The following GRK1 variants were observed in gnomAD, a reference collection of about 807,000 sequenced individuals.
GRK1 encodes the protein rhodopsin kinase GRK1.
In GRK1, 28 loss-of-function variants were observed where a neutral mutation model predicts 41.7. That is an observed-to-expected ratio of 0.67 (90% CI 0.50 to 0.92). The LOEUF (loss-of-function observed/expected upper bound fraction) is 0.92, where lower values mean the gene tolerates loss of function less well. Ranked by LOEUF, GRK1 falls within the 40% of genes least tolerant of loss-of-function variation. GRK1 has a pLI of 0.00. For missense variants in GRK1, 703 were observed against 671.2 expected (o/e 1.05, Z -0.52); for synonymous variants, 327 against 286.7 (o/e 1.14, Z -1.42).
chr13:113,666,808 T>G (rs1328822773), upstream of GRK1, among the ~76,000 whole-genome samples: 2 of 152,184 alleles, frequency 1.3e-5, no homozygotes, highest in East Asian at 3.9e-4. Context: ...TATTATCAGG[T>G]GGTTTTCTTT....
At chr13:113,660,994 A>T in the GRK1 span, among the ~76,000 whole-genome samples, 211 of 152,352 alleles carry the variant, frequency 1.4e-3, no homozygotes, top group Non-Finnish European at 2.5e-3. Flanking sequence ...AGAACTCAAC[A>T]TCATCAACCA....
rs2049859328 is a variant in GRK1 at position 113,671,696 on chromosome 13, G to A, written c.985+40G>A. ...CGGCTGGGAGGGATGAGGGCTACGA[G>A]GAGGGCGGGGCGCAGCTTCCTTGGG... On this transcript the variant is annotated intron_variant, in intron 3 of 6. Transcript: ENST00000335678. The surrounding 1 kb of genome is among the most constrained non-coding windows in gnomAD (Gnocchi z 4.1). 2 of 713,028 alleles carry A rather than the reference G, an allele frequency of 2.8e-6. No individual in the cohort carries two copies. The highest frequency in any genetic ancestry group is 3.9e-5 in the Admixed American group (2 of 50,960). 44.2% of individuals were successfully genotyped at this position (713,028 alleles called of 1,614,324 possible).
chr13:113,670,766 C>G (rs868704972), intron 2 of GRK1, among the ~76,000 whole-genome samples: 4 of 46,110 alleles, frequency 8.7e-5, no homozygotes, highest in Non-Finnish European at 1.7e-4. Context: ...GGTGCCCAGG[C>G]GGAGGGGAGG....
intron 5 of GRK1, among the ~76,000 whole-genome samples, chr13:113,732,351 T>C (rs1249564525): frequency 6.6e-6 from 1 of 152,158 alleles, no homozygotes; most frequent in Admixed American, 6.5e-5. Flanking sequence ...CCGTGGTCAC[T>C]CTGTGTCTGT....
intron 5 of GRK1, 58 bp from the exon 6 acceptor site, chr13:113,732,826 G>A (rs1378871177): frequency 3.9e-6 from 6 of 1,523,928 alleles, no homozygotes; most frequent in Non-Finnish European, 4.4e-6. Flanking sequence ...CTGTGGTCTG[G>A]TCTGACCACC....
At chr13:113,664,860 G>C (rs898713928), upstream of GRK1, among the ~76,000 whole-genome samples, 2 of 152,232 alleles carry the variant, frequency 1.3e-5, no homozygotes, top group African/African-American at 2.4e-5. The surrounding 1 kb of genome is among the most constrained non-coding windows in gnomAD (Gnocchi z 5.4). Flanking sequence ...TGCCCCATTG[G>C]GTGAGCAGGC....
At chr13:113,732,723 A>T (rs2049945892) in intron 5 of GRK1, 161 bp from the exon 6 acceptor site, 1 of 263,956 alleles carries the variant, frequency 3.8e-6, no homozygotes. Flanking sequence ...CATTCCTGAG[A>T]CTGGAGCCTC....
In GRK1 at chr13:113,671,547, G is replaced by A. The variant is rs373358709; in HGVS notation, c.876G>A (p.Pro292=). The A allele has an allele frequency of 1.3e-4, 99 of 778,712 alleles. No individual in the cohort carries two copies. The East Asian group carries it at 1.4e-3, about 11-fold the overall frequency. The allele number at this position is 778,712 out of a possible 1,614,324, so 48.2% of individuals were successfully genotyped here. A position where few individuals can be genotyped will look rare whatever the true frequency, so the allele number is the denominator to read the frequency against. Residue 292 remains proline (P), a synonymous_variant, in exon 3 of 7, where the codon CCG becomes CCA. Transcript: ENST00000335678. The surrounding 1 kb of genome is among the most constrained non-coding windows in gnomAD (Gnocchi z 4.1). ...AGGAGAACCCTGGCTTCCCGGAGCC[G>A]CGCGCCCTCTTCTACACGGCGCAGA... ...VNEENPGFPE[P]RALFYTAQII...
the GRK1 span, among the ~76,000 whole-genome samples, chr13:113,656,098 C>T: frequency 2.3e-4 from 35 of 152,346 alleles, no homozygotes; most frequent in Middle Eastern, 3.4e-3. Context: ...CTTCAGCCTC[C>T]GGTTTTGAGT....
At chr13:113,732,397 CGTGGGAGTAGCGTCAATGGCCTGATCCG>C (rs1379818475) in intron 5 of GRK1, among the ~76,000 whole-genome samples, 1 of 152,206 alleles carries the variant, frequency 6.6e-6, no homozygotes, top group Non-Finnish European at 1.5e-5. Context: ...CAGGGCAACC[CGTGGGAGTAGCGTCAATGGCCTGATCCG>C]GGGGCCTTGG....
intron 2 of GRK1, 105 bp downstream of exon 2, chr13:113,669,919 C>A: frequency 1.4e-6 from 2 of 1,409,278 alleles, no homozygotes; most frequent in Non-Finnish European, 1.9e-6. Context: ...TGGCCCCAGG[C>A]CTGCCCTCGA....
intron 1 of GRK1, 82 bp downstream of exon 1, chr13:113,668,167 A>ACTGT: frequency 7.1e-7 from 1 of 1,416,276 alleles, no homozygotes; most frequent in South Asian, 1.3e-5. Context: ...CCCCCAGGTC[A>ACTGT]CTGTCGGCTC....
the GRK1 span, among the ~76,000 whole-genome samples, chr13:113,652,531 C>T: frequency 1.3e-5 from 2 of 152,262 alleles, no homozygotes; most frequent in Admixed American, 6.5e-5. Context: ...TGCTAAACCC[C>T]TCCCAATCCT....
chr13:113,667,640 C>T lies in GRK1; in HGVS notation c.254C>T (p.Ala85Val). The change falls in exon 1 of 7, where the codon GCC becomes GTC. Residue 85 changes from alanine to valine, a missense_variant. Transcript: ENST00000335678. This position sits in a 1 kb window ranked among gnomAD's most constrained non-coding sequence, Gnocchi z 7.5. ...FLQSAEKHLPALELWKDIEDY... is the reference protein window; with the variant it reads ...FLQSAEKHLPVLELWKDIEDY... ...CAATCGGCAGAGAAGCACCTGCCGGCCCTGGAGCTCTGGAAAGACATCGAG... is the reference window on the plus strand; with the variant it reads ...CAATCGGCAGAGAAGCACCTGCCGGTCCTGGAGCTCTGGAAAGACATCGAG... 6.2e-7 allele frequency: 1 copy of T among 1,613,576 alleles called. No homozygotes were observed. Among genetic ancestry groups the T allele is most frequent in the Admixed American group, 1.7e-5 (1 of 60,034 alleles).
intron 4 of GRK1, among the ~76,000 whole-genome samples, chr13:113,729,444 G>A (rs1344365897): frequency 6.6e-6 from 1 of 152,200 alleles, no homozygotes; most frequent in Non-Finnish European, 1.5e-5. Context: ...TGAAGTCCCG[G>A]GACAGGGGCA....
intron 4 of GRK1, among the ~76,000 whole-genome samples, chr13:113,727,212 C>T (rs1351593820): frequency 3.3e-5 from 5 of 152,382 alleles, no homozygotes; most frequent in African/African-American, 4.8e-5. Context: ...CCAGAGCAGA[C>T]GTCTGCCAAG....
the GRK1 span, chr13:113,650,613 T>C: frequency 2.6e-6 from 2 of 761,796 alleles, no homozygotes; most frequent in Admixed American, 5.4e-5. This position sits in a 1 kb window ranked among gnomAD's most constrained non-coding sequence, Gnocchi z 5.0. Context: ...TGTAGGTGCT[T>C]GCATAAACAC....
chr13:113,733,871 G>T (rs1407967865), intron 6 of GRK1, among the ~76,000 whole-genome samples: 1 of 124,654 alleles, frequency 8.0e-6, no homozygotes, highest in African/African-American at 3.8e-5. Flanking sequence ...ACGTGTGTGC[G>T]TGTGTGCATA....
Position 113,733,497 on chromosome 13 carries a change from GTA to G in GRK1, c.1396+414_1396+415del, listed in dbSNP as rs1452645294. Among the ~76,000 whole-genome samples the G allele has an allele frequency of 8.6e-5, 13 of 150,724 alleles. No homozygotes were observed. The South Asian group carries it at 1.2e-3, about 14-fold the overall frequency. ...GAAGATACTATGTGCGCGCGTGTGT[GTA>G]TGTGTGTGCACGTGTGTGTGCATGT... On this transcript the variant is annotated intron_variant, in intron 6 of 6. Transcript: ENST00000335678.
Sources: allele counts gnomAD v4.1 joint callset (sites outside exome capture counted in the v4.1 genomes callset), GRCh38; gene constraint gnomAD v4.1.1; non-coding constraint Gnocchi (gnomAD v3.1); transcripts MANE v1.5; gene names NCBI Gene and HGNC (gene_info 2026-07-23, HGNC 2026-07-21).